The following ZNF609 variants were observed in gnomAD, a reference collection of about 807,000 sequenced individuals.
ZNF609 encodes the protein zinc finger protein 609.
ZNF609 carries 11 observed loss-of-function variants against 109.5 expected under a neutral mutation model. The ratio of observed to expected loss-of-function variants is 0.10; its 90% confidence interval spans 0.06 to 0.17. The LOEUF (loss-of-function observed/expected upper bound fraction) is 0.17, where lower values mean the gene tolerates loss of function less well. ZNF609 is among the 10% of genes least tolerant of loss of function. The pLI is 1.00. For synonymous variants in ZNF609, 646 were observed against 662.0 expected (o/e 0.98, Z 0.37); for missense variants, 1,559 against 1,772.4 (o/e 0.88, Z 2.16).
chr15:64,681,626 T>C, intron 9 of ZNF609, 66 bp from the exon 10 acceptor site: 1 of 392,414 alleles, frequency 2.5e-6, no homozygotes, highest in Non-Finnish European at 4.6e-6. Context: ...TTTCTTGGAG[T>C]GCCACCTTGT....
intron 2 of ZNF609, among the ~76,000 whole-genome samples, chr15:64,557,255 A>G (rs1894605247): frequency 7.3e-5 from 11 of 150,302 alleles, no homozygotes; most frequent in Admixed American, 7.3e-4. Flanking sequence ...ACCTTCTAAT[A>G]GTAGATGGTC....
chr15:64,510,589 A>T (rs983503971), intron 2 of ZNF609, among the ~76,000 whole-genome samples: 8 of 152,194 alleles, frequency 5.3e-5, no homozygotes, highest in African/African-American at 1.9e-4. Context: ...TAGAGGAAAA[A>T]ACCTAGTATA....
At chr15:64,628,948 C>G (rs1454536406) in intron 3 of ZNF609, among the ~76,000 whole-genome samples, 2 of 152,068 alleles carry the variant, frequency 1.3e-5, no homozygotes, top group East Asian at 1.9e-4. Flanking sequence ...GTAATAACAT[C>G]CTGTCATCAG....
At chr15:64,476,812 T>TA (rs1177477801) in intron 1 of ZNF609, among the ~76,000 whole-genome samples, 4 of 152,188 alleles carry the variant, frequency 2.6e-5, no homozygotes, top group Admixed American at 2.0e-4. Flanking sequence ...ATGGGTGAGG[T>TA]AGGCCTCTGA....
At chr15:64,666,811 G>A (rs1419722050) in intron 3 of ZNF609, among the ~76,000 whole-genome samples, 8 of 148,866 alleles carry the variant, frequency 5.4e-5, no homozygotes, top group Admixed American at 2.0e-4. Context: ...CACCGCACCC[G>A]GCTTAATCCT....
Position 64,675,896 on chromosome 15 carries a change from A to G in ZNF609, c.3042A>G (p.Leu1014=), listed in dbSNP as rs779661983. ...AAGAACAGCAGAAACGCCAGAGCTT[A>G]GAGCAGCAGCAGCGGGGAGTGGACA... ...QYEEQQKRQS[L]EQQQRGVDKK... Residue 1014 remains leucine (L), a synonymous_variant, in exon 5 of 10, where the codon TTA becomes TTG. Coordinates refer to ENST00000326648, the MANE Select transcript of ZNF609 (RefSeq NM_015042.2). 19 of 1,614,142 alleles carry G rather than the reference A, an allele frequency of 1.2e-5. No individual in the cohort carries two copies. In the East Asian group the frequency reaches 4.0e-4, roughly 34 times the overall value.
At chr15:64,654,168 T>C (rs1043503848) in intron 3 of ZNF609, 3 of 152,242 alleles carry the variant, frequency 2.0e-5, no homozygotes, top group Non-Finnish European at 2.9e-5. Context: ...GCCTCCTGAG[T>C]AGCTGGGATT....
rs148226222 is a variant in ZNF609 at position 64,537,825 on chromosome 15, G to A, written c.747+37659G>A. Among the ~76,000 whole-genome samples the A allele has an allele frequency of 8.5e-3, 1,301 of 152,164 alleles. 20 individuals are homozygous for A. The highest frequency in any genetic ancestry group is 0.03 in the African/African-American group (1,237 of 41,522). ...AAATGTATATCCTAGGGCTGGGCGC[G>A]GTGGCTCTCGCCTGTAATCCCAGCA... On this transcript the variant is annotated intron_variant, in intron 2 of 9. Transcript: ENST00000326648.
At chr15:64,540,708 A>G (rs1894237828) in intron 2 of ZNF609, among the ~76,000 whole-genome samples, 1 of 151,080 alleles carries the variant, frequency 6.6e-6, no homozygotes, top group African/African-American at 2.4e-5. Flanking sequence ...CCGGCCACAG[A>G]TAGGTTTTTA....
In ZNF609 at chr15:64,644,981, T is replaced by TTTTCTTTCTTTCTTTCTTTC. The variant is rs147608283; in HGVS notation, c.973+21940_973+21959dup. On this transcript the variant is annotated intron_variant, in intron 3 of 9. Transcript: ENST00000326648. The stretch of plus-strand genomic sequence containing the variant: ...TTCTTTTCTTTTCTTCTTTCTTTCT[T>TTTTCTTTCTTTCTTTCTTTC]TTTCTTTCTTTCTTTCTTTCTTTCT... 2.4e-3 allele frequency among the ~76,000 whole-genome samples: 337 copies of TTTTCTTTCTTTCTTTCTTTC among 139,642 alleles called. 3 individuals carry two copies. The highest frequency in any genetic ancestry group is 6.3e-3 in the African/African-American group (203 of 32,278). The allele number at this position is 139,642 out of a possible 152,430, so 91.6% of individuals were successfully genotyped here.
At position 64,528,881 on chromosome 15, in the gene ZNF609, G is replaced by A. The variant is rs1322621734; in HGVS notation, c.747+28715G>A. On this transcript the variant is annotated intron_variant, in intron 2 of 9. Coordinates refer to ENST00000326648, the MANE Select transcript of ZNF609 (RefSeq NM_015042.2). ...GATGCTCTTGAGGGGGCCCTCCGATGCCTACTTCACCACCTTCTTGATGTC... is the reference window on the plus strand; with the variant it reads ...GATGCTCTTGAGGGGGCCCTCCGATACCTACTTCACCACCTTCTTGATGTC... 4.4e-5 allele frequency: 43 copies of A among 985,382 alleles called. No homozygotes were observed. The Middle Eastern group carries it at 9.3e-4, about 21-fold the overall frequency. 61.0% of individuals were successfully genotyped at this position (985,382 alleles called of 1,614,324 possible).
chr15:64,559,877 T>C (rs142451324), intron 2 of ZNF609, among the ~76,000 whole-genome samples: 43 of 152,360 alleles, frequency 2.8e-4, no homozygotes, highest in African/African-American at 9.9e-4. Flanking sequence ...TAAATAATAG[T>C]ATCCGTAGCA....
Position 64,499,387 on chromosome 15 carries a change from C to A in ZNF609, c.-33C>A. On this transcript the variant is annotated 5_prime_UTR_variant, in exon 2 of 10. Transcript: ENST00000326648. ...TAGGAAAGCTGGGGGCAAGGAAGAG[C>A]CTTGAATCTTGAGGTGGGACGTTGA... 6.3e-7 allele frequency: 1 copy of A among 1,598,958 alleles called. No homozygotes were observed. The highest frequency in any genetic ancestry group is 1.1e-5 in the South Asian group (1 of 88,482).
chr15:64,590,254 G>T (rs1895270231), intron 2 of ZNF609, among the ~76,000 whole-genome samples: 1 of 152,252 alleles, frequency 6.6e-6, no homozygotes, highest in African/African-American at 2.4e-5. Context: ...TATTATCTAT[G>T]AATAAATATA....
intron 2 of ZNF609, among the ~76,000 whole-genome samples, chr15:64,570,459 T>A (rs1201392079): frequency 6.6e-6 from 1 of 152,188 alleles, no homozygotes; most frequent in South Asian, 2.1e-4. Context: ...TTCTAATCAA[T>A]CAAGATTCTT....
rs371750225 is a variant in ZNF609 at position 64,670,339 on chromosome 15, T to C, written c.974-7T>C. The C allele has an allele frequency of 4.3e-5, 69 of 1,613,142 alleles. No homozygotes were observed. The highest frequency in any genetic ancestry group is 5.5e-5 in the Non-Finnish European group (65 of 1,179,252). On this transcript the variant is annotated splice_region_variant and splice_polypyrimidine_tract_variant and intron_variant, in intron 3 of 9. Transcript: ENST00000326648. ...CTTGTCTATATCTATGTGCTCTTAT[T>C]TTCCAGGGATGTTGGTGGTAAATGT...
intron 2 of ZNF609, chr15:64,593,145 C>T (rs975339807): frequency 8.2e-6 from 13 of 1,576,034 alleles, no homozygotes; most frequent in South Asian, 1.1e-5. Context: ...ATTTCTGAAG[C>T]GAGCGTCTTC....
chr15:64,678,230 C>G lies in ZNF609; in HGVS notation c.3517C>G (p.Arg1173Gly). ...RDRKLKEERS[R>G]SKDSVPKEDG... is the part of the protein sequence containing the mutation. ...CCGCAAATTGAAGGAGGAAAGGAGTCGGAGTAAGGACTCTGTCCCCAAGGA... is the reference window on the plus strand; with the variant it reads ...CCGCAAATTGAAGGAGGAAAGGAGTGGGAGTAAGGACTCTGTCCCCAAGGA... The change falls in exon 6 of 10, where the codon CGG becomes GGG. Residue 1173 changes from arginine to glycine, a missense_variant. Arg to Gly is a moderately radical substitution (Grantham distance 125, BLOSUM62 -2). Around this residue, in one of 4 missense-constraint regions of ZNF609, gnomAD observed 1,204 missense variants for 1,314.1 expected, o/e 0.92. Transcript: ENST00000326648. 1 of 1,614,116 alleles carries G rather than the reference C, an allele frequency of 6.2e-7. No homozygotes were observed. Among genetic ancestry groups the G allele is most frequent in the Non-Finnish European group, 8.5e-7 (1 of 1,180,018 alleles).
chr15:64,512,015 C>CT (rs148243060), intron 2 of ZNF609, among the ~76,000 whole-genome samples: 10,555 of 145,560 alleles, frequency 0.073, 368 homozygotes, highest in African/African-American at 0.091. Context: ...ACCCTGCCTA[C>CT]TTTTTTTTTT....
Sources: gnomAD v4.1 joint callset for allele counts (sites outside exome capture counted in the v4.1 genomes callset) on GRCh38, gnomAD v4.1.1 for gene constraint, gnomAD v4.1.1 regional missense constraint, MANE v1.5 for transcripts, NCBI Gene and HGNC (gene_info 2026-07-23, HGNC 2026-07-21) for gene names.